The following TBC1D17 variants were observed in gnomAD, a reference collection of about 807,000 sequenced individuals.
TBC1D17 encodes the protein TBC1 domain family, member 17.
In TBC1D17, 69 loss-of-function variants were observed where a neutral mutation model predicts 78.8. That is an observed-to-expected ratio of 0.88 (90% CI 0.72 to 1.07). The LOEUF (loss-of-function observed/expected upper bound fraction) is 1.07. TBC1D17 is among the 50% of genes least tolerant of loss of function. The pLI, the probability that TBC1D17 is intolerant of heterozygous loss-of-function variation, is 0.00. For synonymous variants in TBC1D17, 456 were observed against 358.3 expected (o/e 1.27, Z -3.08); for missense variants, 957 against 861.0 (o/e 1.11, Z -1.39).
At position 49,877,772 on chromosome 19, in the gene TBC1D17, T is replaced by C. The variant is rs762647268; in HGVS notation, c.21+28T>C. On this transcript the variant is annotated intron_variant, in intron 1 of 16. Transcript: ENST00000221543. ...AAGCACTGAGGACGCATTCCCTCGC[T>C]TCAGTGTATGCGAAACGCCCCGTCT... 4 of 1,580,260 alleles carry C rather than the reference T, an allele frequency of 2.5e-6. No individual in the cohort carries two copies. In the Admixed American group the frequency reaches 5.6e-5, roughly 22 times the overall value.
chr19:49,879,853 T>C (rs542460452), intron 3 of TBC1D17, among the ~76,000 whole-genome samples: 33 of 136,638 alleles, frequency 2.4e-4, no homozygotes, highest in African/African-American at 9.5e-4. Context: ...TTTTTTCTTT[T>C]TTTTTTTTTT....
chr19:49,881,460 A>G lies in TBC1D17; in HGVS notation c.512A>G (p.Tyr171Cys). The change falls in exon 5 of 17, where the codon TAC becomes TGC. Residue 171 changes from tyrosine (Y) to cysteine (C), a missense_variant. Transcript: ENST00000221543. ...TRALLRVLSR[Y>C]LLLASSPQDS... The stretch of plus-strand genomic sequence containing the variant: ...GCCCTGCTCCGCGTCCTCAGCCGCT[A>G]CCTGCTGTTGGCCAGGTGAGCTCTC... 1 of 1,609,410 alleles carries G rather than the reference A, an allele frequency of 6.2e-7. No homozygotes were observed. Among genetic ancestry groups the G allele is most frequent in the Non-Finnish European group, 8.5e-7 (1 of 1,179,742 alleles).
rs779686083 is a variant in TBC1D17, at chr19:49,884,762, T to G, written c.1444+4T>G. 3 of 1,613,476 alleles carry G rather than the reference T, an allele frequency of 1.9e-6. No homozygotes were observed. Among genetic ancestry groups the G allele is most frequent in the Non-Finnish European group, 2.5e-6 (3 of 1,179,860 alleles). The stretch of plus-strand genomic sequence containing the variant: ...CCCCTGCTCTGCGACTTCCTGGGTA[T>G]GTCTCTCGGGAGGGTGGGCAGGAGA... On this transcript the variant is annotated splice_donor_region_variant and intron_variant, in intron 13 of 16. Coordinates refer to ENST00000221543, the MANE Select transcript of TBC1D17 (RefSeq NM_024682.3).
Position 49,881,934 on chromosome 19 carries a change from G to A in TBC1D17, c.528-107G>A, listed in dbSNP as rs1476164194. On this transcript the variant is annotated intron_variant, in intron 5 of 16. Coordinates refer to ENST00000221543, the MANE Select transcript of TBC1D17 (RefSeq NM_024682.3). ...TTCCCTGAAATGAGGGGTTGCCCAG[G>A]GGTGGTTGGGACGCTGCAGCTGGAA... 28 of 942,820 alleles carry A rather than the reference G, an allele frequency of 3.0e-5. No homozygotes were observed. In the Middle Eastern group the frequency reaches 1.3e-3, roughly 43 times the overall value. The allele number at this position is 942,820 out of a possible 1,614,324, so 58.4% of individuals were successfully genotyped here.
intron 13 of TBC1D17, chr19:49,887,231 G>GGCGTCCTGC (rs1215980665): frequency 5.8e-6 from 3 of 513,866 alleles, no homozygotes; most frequent in Non-Finnish European, 1.1e-5. Context: ...GGGCGTGCTG[G>GGCGTCCTGC]GCGTCCTGCC....
intron 3 of TBC1D17, 87 bp downstream of exon 3, chr19:49,878,659 C>G (rs765589356): frequency 1.8e-5 from 23 of 1,279,344 alleles, no homozygotes; most frequent in Non-Finnish European, 2.6e-5. Flanking sequence ...TGCGTACAAT[C>G]CCAGACCTAC....
chr19:49,888,117 C>A (rs746872568), intron 15 of TBC1D17, 114 bp from the exon 16 acceptor site: 2 of 1,506,550 alleles, frequency 1.3e-6, no homozygotes, highest in Non-Finnish European at 9.0e-7. Flanking sequence ...ACTTCTGAGC[C>A]CCCAGAGGGC....
At chr19:49,883,796 AG>A in intron 10 of TBC1D17, 51 bp downstream of exon 10, 1 of 1,505,496 alleles carries the variant, frequency 6.6e-7, no homozygotes, top group Non-Finnish European at 9.2e-7. Flanking sequence ...GAACCACAGG[AG>A]GGCCTCAGGC....
chr19:49,884,171 C>T, intron 10 of TBC1D17, 82 bp from the exon 11 acceptor site: 1 of 1,250,112 alleles, frequency 8.0e-7, no homozygotes, highest in South Asian at 1.3e-5. Flanking sequence ...GCAGGAGGAG[C>T]AGTGGGGGCT....
At position 49,878,564 on chromosome 19, in the gene TBC1D17, T is replaced by C. The variant is rs768614069; in HGVS notation, c.187T>C (p.Ser63Pro). Residue 63 changes from serine (S) to proline (P), a missense_variant, in exon 3 of 17, where the codon TCC (serine) becomes CCC (proline). Physicochemically the swap from Ser to Pro is moderately conservative, Grantham distance 74. Transcript: ENST00000221543. ...TGGAGATTCCACCCAAATCCTCTTCTCCAAGAAGGTAGGCTCCACCCGCTT... is the reference window on the plus strand; with the variant it reads ...TGGAGATTCCACCCAAATCCTCTTCCCCAAGAAGGTAGGCTCCACCCGCTT... ...EAGDSTQILF[S>P]KKDSSGGDSC... 6.2e-7 allele frequency: 1 copy of C among 1,614,058 alleles called. No homozygotes were observed. Among genetic ancestry groups the C allele is most frequent in the Middle Eastern group, 1.6e-4 (1 of 6,062 alleles).
chr19:49,887,494 C>T lies in TBC1D17; in HGVS notation c.1463C>T (p.Ser488Phe). Residue 488 changes from serine to phenylalanine, a missense_variant, in exon 14 of 17, where the codon TCT becomes TTT. Transcript: ENST00000221543. ...CCCCCAGATTCCCAGGACTCCGGCT[C>T]TCTCTGCTTCTGTTTCCGGTGGCTG... The part of the protein sequence containing the change: ...CDFLDSQDSG[S>F]LCFCFRWLLI... The T allele has an allele frequency of 1.9e-6, 3 of 1,614,158 alleles. No individual in the cohort carries two copies. Among genetic ancestry groups the T allele is most frequent in the African/African-American group, 2.7e-5 (2 of 75,074 alleles).
chr19:49,882,245 T>C lies in TBC1D17; in HGVS notation c.643T>C (p.Phe215Leu). The change falls in exon 7 of 17, where the codon TTC (phenylalanine) becomes CTC (leucine). Residue 215 changes from phenylalanine (F) to leucine (L), a missense_variant. Physicochemically the swap from Phe to Leu is conservative, Grantham distance 22. Coordinates refer to ENST00000221543, the MANE Select transcript of TBC1D17 (RefSeq NM_024682.3). The part of the protein sequence containing the change: ...DQDSSNVVSR[F>L]LQDPYSTTFS... Reference sequence around the variant, plus strand: ...CTCCCTTTGGCCTCGTCCCCAGCGCTTCCTCCAGGATCCCTACTCCACCAC... The same window carrying C: ...CTCCCTTTGGCCTCGTCCCCAGCGCCTCCTCCAGGATCCCTACTCCACCAC... The C allele has an allele frequency of 6.2e-7, 1 of 1,612,266 alleles. No homozygotes were observed. Among genetic ancestry groups the C allele is most frequent in the Non-Finnish European group, 8.5e-7 (1 of 1,179,958 alleles).
At chr19:49,885,689 C>T (rs962452946) in intron 13 of TBC1D17, among the ~76,000 whole-genome samples, 1 of 150,930 alleles carries the variant, frequency 6.6e-6, no homozygotes, top group Non-Finnish European at 1.5e-5. Flanking sequence ...TTAGCCTGGG[C>T]GCAATGTCAT....
chr19:49,882,338 G>A lies in TBC1D17; in HGVS notation c.736G>A (p.Ala246Thr), dbSNP rs143612001. 3.4e-5 allele frequency: 55 copies of A among 1,610,484 alleles called. No individual in the cohort carries two copies. Among genetic ancestry groups the A allele is most frequent in the African/African-American group, 3.3e-4 (25 of 74,908 alleles). Residue 246 changes from alanine to threonine, a missense_variant, in exon 7 of 17, where the codon GCC (alanine) becomes ACC (threonine). Ala to Thr is a moderately conservative substitution (Grantham distance 58, BLOSUM62 0). Coordinates refer to ENST00000221543, the MANE Select transcript of TBC1D17 (RefSeq NM_024682.3). The stretch of plus-strand genomic sequence containing the variant: ...CCTGCAGCCACAGCCTGAGGGAGCC[G>A]CCTCCGACCTTCCCCCGCCACCCGA... ...GALQPQPEGAASDLPPPPDDE... is the reference protein window; with the variant it reads ...GALQPQPEGATSDLPPPPDDE...
At chr19:49,881,959 A>G (rs1385379874) in intron 5 of TBC1D17, 82 bp from the exon 6 acceptor site, 6 of 1,244,008 alleles carry the variant, frequency 4.8e-6, no homozygotes, top group Non-Finnish European at 4.7e-6. Flanking sequence ...TGCAGCTGGA[A>G]CCGATGTCGG....
intron 3 of TBC1D17, among the ~76,000 whole-genome samples, chr19:49,880,002 C>T (rs368237745): frequency 8.6e-5 from 13 of 151,882 alleles, no homozygotes; most frequent in South Asian, 4.2e-4. Context: ...TACAGGCATG[C>T]GCCACCATGC....
At position 49,880,398 on chromosome 19, in the gene TBC1D17, G is replaced by A. The variant is rs375757365; in HGVS notation, c.315G>A (p.Thr105=). 6.8e-6 allele frequency: 11 copies of A among 1,613,500 alleles called. No individual in the cohort carries two copies. The highest frequency in any genetic ancestry group is 4.5e-5 in the East Asian group (2 of 44,888). The change falls in exon 4 of 17, where the codon ACG becomes ACA. Residue 105 remains threonine, a synonymous_variant. Transcript: ENST00000221543. ...VRPQLCHSEP[T]RGAEPSCPQG... ...CACAGCTCTGCCACTCAGAGCCCAC[G>A]AGAGGTAGGCTGAGGTGGCGGCCCT...
chr19:49,887,479 C>A lies in TBC1D17; in HGVS notation c.1448C>A (p.Ser483Tyr), dbSNP rs780661941. The change falls in exon 14 of 17, where the codon TCC becomes TAC. Residue 483 changes from serine to tyrosine, a missense_variant. Coordinates refer to ENST00000221543, the MANE Select transcript of TBC1D17 (RefSeq NM_024682.3). ...LDPLLCDFLD[S>Y]QDSGSLCFCF... ...TGGGCTCCATGTCATCCCCCAGATT[C>A]CCAGGACTCCGGCTCTCTCTGCTTC... The A allele has an allele frequency of 6.2e-7, 1 of 1,613,900 alleles. No homozygotes were observed. The highest frequency in any genetic ancestry group is 8.5e-7 in the Non-Finnish European group (1 of 1,179,912).
At chr19:49,884,405 C>G (rs746124768) in intron 11 of TBC1D17, 36 bp downstream of exon 11, 2 of 1,613,742 alleles carry the variant, frequency 1.2e-6, no homozygotes, top group Admixed American at 3.3e-5. Flanking sequence ...GTGGCCGGGG[C>G]TGTCCAGGGG....
Sources: gnomAD v4.1 joint callset for allele counts (sites outside exome capture counted in the v4.1 genomes callset) on GRCh38, gnomAD v4.1.1 for gene constraint, MANE v1.5 for transcripts, NCBI Gene and HGNC (gene_info 2026-07-23, HGNC 2026-07-21) for gene names.